TMEM135: variants seen among roughly 807,000 people sequenced by gnomAD.
The protein encoded by TMEM135 is peroxisomal membrane protein 52.
A neutral mutation model predicts 60.3 loss-of-function variants in TMEM135; 30 were observed. That is an observed-to-expected ratio of 0.50 (90% confidence interval 0.37 to 0.68). The LOEUF is 0.68. TMEM135 is among the 30% of genes least tolerant of loss of function. TMEM135 has a pLI of 0.00. For missense variants in TMEM135, 468 were observed against 548.8 expected, an observed-to-expected ratio of 0.85 and a Z score of 1.47; for synonymous variants, 190 against 186.7, an observed-to-expected ratio of 1.02 and a Z score of -0.14.
chr11:87,229,575 C>G (rs540991235), intron 5 of TMEM135, among the ~76,000 whole-genome samples: 1 of 152,156 alleles, frequency 6.6e-6, no homozygotes, highest in African/African-American at 2.4e-5. Flanking sequence ...CAATATTTGT[C>G]AAAATTAAAA....
chr11:87,154,146 C>T (rs1179958980), intron 4 of TMEM135, among the ~76,000 whole-genome samples: 11 of 152,308 alleles, frequency 7.2e-5, no homozygotes, highest in Admixed American at 7.2e-4. Flanking sequence ...TTTCTCCTCT[C>T]TCAGCCTCTA....
At chr11:87,096,493 T>C (rs990540267) in intron 4 of TMEM135, 1 of 152,352 alleles carries the variant, frequency 6.6e-6, no homozygotes, top group Non-Finnish European at 1.5e-5. Flanking sequence ...AAAAAGATAT[T>C]TCAGTCTTTC....
chr11:87,181,764 A>C (rs1000241009), intron 5 of TMEM135, among the ~76,000 whole-genome samples: 1 of 152,154 alleles, frequency 6.6e-6, no homozygotes, highest in African/African-American at 2.4e-5. Context: ...GTAATTCTTA[A>C]GATAAAAAAA....
At position 87,324,309 on chromosome 11, in the gene TMEM135, T is replaced by G. The variant is rs1942881149; in HGVS notation, c.*2976T>G. 2.2e-6 allele frequency: 1 copy of G among 454,020 alleles called. No individual in the cohort carries two copies. 28.1% of individuals were successfully genotyped at this position (454,020 alleles called of 1,614,324 possible). On this transcript the variant is annotated 3_prime_UTR_variant, in exon 15 of 15. Transcript: ENST00000305494. Reference sequence around the variant, plus strand: ...GTCACAACCTCTCCCTTGGTGCTAATTAGGAAGCTTCTTGTGGGACTGAAG... The same window carrying G: ...GTCACAACCTCTCCCTTGGTGCTAAGTAGGAAGCTTCTTGTGGGACTGAAG...
intron 5 of TMEM135, among the ~76,000 whole-genome samples, chr11:87,173,978 G>A (rs754827084): frequency 6.6e-6 from 1 of 152,066 alleles, no homozygotes; most frequent in Non-Finnish European, 1.5e-5. Flanking sequence ...TCATGTTTTT[G>A]TTTCTTTGCA....
In TMEM135 at chr11:87,318,188, G is replaced by C. The variant is rs1210039273; in HGVS notation, c.1129G>C (p.Ala377Pro). The C allele has an allele frequency of 6.2e-7, 1 of 1,612,812 alleles. No homozygotes were observed. The highest frequency in any genetic ancestry group is 8.5e-7 in the Non-Finnish European group (1 of 1,179,748). Residue 377 changes from alanine (A) to proline (P), a missense_variant, in exon 13 of 15, where the codon GCA (alanine) becomes CCA (proline). Ala to Pro is a conservative substitution (Grantham distance 27, BLOSUM62 -1). Coordinates refer to ENST00000305494, the MANE Select transcript of TMEM135 (RefSeq NM_022918.4). ...AGGGAAGGTTCCCTATTTTCCTCAT[G>C]CAGATACTATCATCTATTCCATCTC... is the stretch of plus-strand genomic sequence containing the variant. ...EAGKVPYFPHADTIIYSISTA... is the reference protein window; with the variant it reads ...EAGKVPYFPHPDTIIYSISTA...
chr11:87,311,012 A>G (rs1247668719), intron 10 of TMEM135, among the ~76,000 whole-genome samples: 3 of 151,518 alleles, frequency 2.0e-5, no homozygotes, highest in African/African-American at 2.4e-5. Context: ...ATAAATATAT[A>G]TTTTATTCAT....
chr11:87,321,285 T>G lies in TMEM135; in HGVS notation c.1329T>G (p.Asp443Glu), dbSNP rs1320545738. The change falls in exon 15 of 15, where the codon GAT becomes GAG. Residue 443 changes from aspartate to glutamate, a missense_variant. Transcript: ENST00000305494. ...KHFQDFIPRL[D>E]PRYTTVTPEL... ...TTCAGGATTTCATCCCCAGGTTGGATCCAAGATACACAACTGTAACACCAG... is the reference window on the plus strand; with the variant it reads ...TTCAGGATTTCATCCCCAGGTTGGAGCCAAGATACACAACTGTAACACCAG... The G allele has an allele frequency of 6.2e-7, 1 of 1,613,752 alleles. No individual in the cohort carries two copies. Among genetic ancestry groups the G allele is most frequent in the African/African-American group, 1.3e-5 (1 of 75,024 alleles).
intron 7 of TMEM135, among the ~76,000 whole-genome samples, chr11:87,298,383 C>T (rs142105859): frequency 1.2e-3 from 180 of 152,250 alleles, no homozygotes; most frequent in African/African-American, 4.2e-3. Flanking sequence ...TGAAAACATA[C>T]ATTGTTCTCT....
intron 5 of TMEM135, among the ~76,000 whole-genome samples, chr11:87,166,265 C>A (rs1197589495): frequency 6.6e-6 from 1 of 151,640 alleles, no homozygotes; most frequent in Non-Finnish European, 1.5e-5. Context: ...TGCCTGTTTG[C>A]TCTGATGATA....
intron 5 of TMEM135, among the ~76,000 whole-genome samples, chr11:87,188,859 A>G (rs1042448916): frequency 1.4e-4 from 22 of 152,164 alleles, no homozygotes; most frequent in Admixed American, 1.4e-3. Context: ...GGTTTGATGT[A>G]TCCTTGACTG....
intron 7 of TMEM135, among the ~76,000 whole-genome samples, chr11:87,300,739 A>G (rs1490414174): frequency 2.0e-5 from 3 of 152,216 alleles, no homozygotes; most frequent in Admixed American, 2.0e-4. Context: ...AAGAAGATAT[A>G]CATGGTCTCA....
At chr11:87,265,680 CTT>C (rs1941733642) in intron 6 of TMEM135, among the ~76,000 whole-genome samples, 2 of 152,014 alleles carry the variant, frequency 1.3e-5, no homozygotes, top group Non-Finnish European at 2.9e-5. Flanking sequence ...AAAAGAAACA[CTT>C]AACTTTAAAA....
intron 5 of TMEM135, among the ~76,000 whole-genome samples, chr11:87,183,577 A>G (rs1939575666): frequency 6.6e-6 from 1 of 152,272 alleles, no homozygotes; most frequent in South Asian, 2.1e-4. Flanking sequence ...TGTCTGATAA[A>G]AGTAAGGTGG....
At chr11:87,239,668 C>CT (rs1941086667) in intron 6 of TMEM135, among the ~76,000 whole-genome samples, 1 of 151,416 alleles carries the variant, frequency 6.6e-6, no homozygotes, top group African/African-American at 2.4e-5. Flanking sequence ...AATAAGTCAA[C>CT]TTGTGTTTTT....
chr11:87,095,282 CA>C, intron 4 of TMEM135: 1 of 190,324 alleles, frequency 5.3e-6, no homozygotes. Context: ...TGGCCGAAAA[CA>C]AAGAAGCAAT....
At chr11:87,075,971 G>A (rs777496866) in intron 3 of TMEM135, among the ~76,000 whole-genome samples, 4 of 152,134 alleles carry the variant, frequency 2.6e-5, no homozygotes, top group Non-Finnish European at 5.9e-5. Flanking sequence ...CCATCCCTGG[G>A]ACTGCGCTGG....
chr11:87,217,642 C>G (rs144370867), intron 5 of TMEM135, among the ~76,000 whole-genome samples: 1 of 151,820 alleles, frequency 6.6e-6, no homozygotes, highest in Non-Finnish European at 1.5e-5. Flanking sequence ...AAAGTTAGTT[C>G]GGCGTGGCGG....
intron 5 of TMEM135, among the ~76,000 whole-genome samples, chr11:87,196,307 T>G (rs1486999270): frequency 1.3e-5 from 2 of 152,172 alleles, no homozygotes. Context: ...TGCAGGTATA[T>G]TCATATTTTA....
Sources: gnomAD v4.1 joint callset for allele counts (sites outside exome capture counted in the v4.1 genomes callset) on GRCh38, gnomAD v4.1.1 for gene constraint, MANE v1.5 for transcripts, NCBI Gene and HGNC (gene_info 2026-07-23, HGNC 2026-07-21) for gene names.